The following CRYBG3 variants were observed in gnomAD, a reference collection of about 807,000 sequenced individuals.
CRYBG3 encodes the protein crystallin beta-gamma domain containing 3.
Under a neutral mutation model 244.2 loss-of-function variants are expected in CRYBG3, and 127 were observed. The observed-to-expected ratio is 0.52, with a 90% confidence interval of 0.45 to 0.60. CRYBG3 has a LOEUF of 0.60. CRYBG3 is among the 20% of genes least tolerant of loss of function. The pLI, the probability that CRYBG3 is intolerant of heterozygous loss-of-function variation, is 0.00. For synonymous variants in CRYBG3, 1,132 were observed against 1,195.8 expected, an observed-to-expected ratio of 0.95 and a Z score of 1.10; for missense variants, 3,325 against 3,442.5, an observed-to-expected ratio of 0.97 and a Z score of 0.85.
At chr3:97,826,192 T>C (rs1559709793) in intron 1 of CRYBG3, among the ~76,000 whole-genome samples, 1 of 152,150 alleles carries the variant, frequency 6.6e-6, no homozygotes, top group Non-Finnish European at 1.5e-5. Flanking sequence ...GTATCAAAAG[T>C]CCACCTTTTC....
At chr3:97,826,130 C>G (rs1211354285) in intron 1 of CRYBG3, among the ~76,000 whole-genome samples, 1 of 152,124 alleles carries the variant, frequency 6.6e-6, no homozygotes, top group Non-Finnish European at 1.5e-5. Flanking sequence ...TAGGTTAATT[C>G]AAAGCAAAAG....
At chr3:97,928,779 A>AT (rs1317139373) in intron 17 of CRYBG3, among the ~76,000 whole-genome samples, 3 of 151,994 alleles carry the variant, frequency 2.0e-5, no homozygotes, top group Non-Finnish European at 4.4e-5. Context: ...AGTATTATAA[A>AT]TAGACTTCAA....
At position 97,876,531 on chromosome 3, in the gene CRYBG3, G is replaced by T; in HGVS notation, c.5337G>T (p.Gly1779=). Residue 1779 remains glycine (G), a synonymous_variant, in exon 4 of 22, where the codon GGG becomes GGT. Transcript: ENST00000389622. ...AAGGTTTTACCGGGAACACTGAAGG[G>T]TCTGTGTTGAAAATGGAAGCTACTT... The part of the protein sequence containing the change: ...NAKGFTGNTE[G]SVLKMEATYR... 8.1e-7 allele frequency: 1 copy of T among 1,232,214 alleles called. No individual in the cohort carries two copies. The allele number at this position is 1,232,214 out of a possible 1,614,324, so 76.3% of individuals were successfully genotyped here.
rs561139952 is a variant in CRYBG3, at chr3:97,822,054, TCTC to T, written c.-150_-148del. ...GCGAGGAGCGCGTCGCGTCCGCACT[TCTC>T]CTGCCCGAGAGAGACTGAGCCGCGC... is the stretch of plus-strand genomic sequence containing the variant. On this transcript the variant is annotated 5_prime_UTR_variant, in exon 1 of 22. Coordinates refer to ENST00000389622, the MANE Select transcript of CRYBG3 (RefSeq NM_153605.4). 2.0e-4 allele frequency: 109 copies of T among 545,674 alleles called. 1 individual carries two copies. Among genetic ancestry groups the T allele is most frequent in the East Asian group, 1.5e-3 (43 of 28,480 alleles). 33.8% of individuals were successfully genotyped at this position (545,674 alleles called of 1,614,324 possible).
chr3:97,835,216 G>A (rs1260925345), intron 1 of CRYBG3, among the ~76,000 whole-genome samples: 1 of 152,040 alleles, frequency 6.6e-6, no homozygotes, highest in Admixed American at 6.6e-5. Context: ...ATGTCTAAAT[G>A]TGTCTCTACT....
chr3:97,881,030 G>T (rs769803379), intron 6 of CRYBG3, 42 bp from the exon 7 acceptor site: 2 of 1,479,808 alleles, frequency 1.4e-6, no homozygotes, highest in South Asian at 2.9e-5. Context: ...TTATTTCTTA[G>T]AAAATTAAAT....
chr3:97,846,386 C>T (rs1289761294), intron 2 of CRYBG3, among the ~76,000 whole-genome samples: 5 of 152,152 alleles, frequency 3.3e-5, no homozygotes, highest in African/African-American at 1.2e-4. Flanking sequence ...TCTTCCGATC[C>T]TTTGGTTCAT....
intron 15 of CRYBG3, among the ~76,000 whole-genome samples, chr3:97,910,496 G>A (rs1392882631): frequency 6.6e-6 from 1 of 152,224 alleles, no homozygotes; most frequent in Admixed American, 6.5e-5. Context: ...ATTAGGGTGG[G>A]AGTGAACCGA....
At chr3:97,847,613 C>T (rs1251138177) in intron 2 of CRYBG3, among the ~76,000 whole-genome samples, 2 of 152,122 alleles carry the variant, frequency 1.3e-5, no homozygotes, top group Admixed American at 1.3e-4. Flanking sequence ...AGAAATGAAC[C>T]ATGAGCTAAA....
chr3:97,912,711 C>T (rs1374057594), intron 16 of CRYBG3, among the ~76,000 whole-genome samples: 1 of 152,098 alleles, frequency 6.6e-6, no homozygotes, highest in African/African-American at 2.4e-5. Flanking sequence ...TAAGGTTTTC[C>T]AAGATCACAT....
intron 15 of CRYBG3, among the ~76,000 whole-genome samples, chr3:97,901,148 T>A (rs2039702790): frequency 6.6e-6 from 1 of 152,186 alleles, no homozygotes; most frequent in African/African-American, 2.4e-5. Context: ...GAGACATTTC[T>A]AGTATGGACC....
intron 3 of CRYBG3, 108 bp downstream of exon 3, chr3:97,864,755 A>T: frequency 1.4e-6 from 1 of 721,724 alleles, no homozygotes; most frequent in Non-Finnish European, 2.2e-6. Flanking sequence ...GATATTCTGT[A>T]GTGTCCCTAC....
intron 7 of CRYBG3, among the ~76,000 whole-genome samples, chr3:97,884,672 A>G (rs2108227023): frequency 6.6e-6 from 1 of 152,268 alleles, no homozygotes; most frequent in East Asian, 1.9e-4. Context: ...TTGTCCATCA[A>G]GAATTATACA....
intron 15 of CRYBG3, among the ~76,000 whole-genome samples, chr3:97,909,033 C>G (rs965662800): frequency 1.2e-4 from 18 of 152,218 alleles, no homozygotes; most frequent in Non-Finnish European, 1.9e-4. Flanking sequence ...ATATGAAATT[C>G]TGGGTTGAAA....
At position 97,874,873 on chromosome 3, in the gene CRYBG3, C is replaced by T. The variant is rs1316697395; in HGVS notation, c.3679C>T (p.His1227Tyr). Residue 1227 changes from histidine to tyrosine, a missense_variant, in exon 4 of 22, where the codon CAT becomes TAT. Physicochemically the swap from His to Tyr is moderately conservative, Grantham distance 83 (BLOSUM62 2). Transcript: ENST00000389622. ...FKHTVSTCQE[H>Y]IAIEGIMNLG... ...ACACACAGTGAGTACCTGCCAGGAG[C>T]ATATAGCCATAGAAGGTATAATGAA... 40 of 1,535,070 alleles carry T rather than the reference C, an allele frequency of 2.6e-5. No individual in the cohort carries two copies. Among genetic ancestry groups the T allele is most frequent in the Non-Finnish European group, 2.1e-5 (24 of 1,146,594 alleles).
intron 13 of CRYBG3, 37 bp downstream of exon 13, chr3:97,899,062 G>A (rs770822361): frequency 3.7e-6 from 6 of 1,600,034 alleles, no homozygotes; most frequent in South Asian, 1.1e-5. Flanking sequence ...AGAGTCTTTG[G>A]TGTTTAAGAT....
At chr3:97,862,387 G>T (rs375754612) in intron 2 of CRYBG3, among the ~76,000 whole-genome samples, 33 of 152,054 alleles carry the variant, frequency 2.2e-4, no homozygotes, top group African/African-American at 7.5e-4. Flanking sequence ...ATATTTTAAT[G>T]AGCAGCCTGT....
chr3:97,825,622 G>A (rs1374426991), intron 1 of CRYBG3, among the ~76,000 whole-genome samples: 2 of 152,194 alleles, frequency 1.3e-5, no homozygotes, highest in Non-Finnish European at 2.9e-5. Context: ...AAGATGTTTG[G>A]TATCCATGAT....
intron 15 of CRYBG3, among the ~76,000 whole-genome samples, chr3:97,908,403 A>C (rs1412326758): frequency 6.6e-6 from 1 of 152,170 alleles, no homozygotes; most frequent in African/African-American, 2.4e-5. Flanking sequence ...TAGGTCACTC[A>C]GGACTTGCTT....
Sources: allele counts gnomAD v4.1 joint callset (sites outside exome capture counted in the v4.1 genomes callset), GRCh38; gene constraint gnomAD v4.1.1; transcripts MANE v1.5; gene names NCBI Gene and HGNC (gene_info 2026-07-23, HGNC 2026-07-21).